ANKRD42: variants seen among roughly 807,000 people sequenced by gnomAD.
ANKRD42 encodes ankyrin repeat domain-containing protein 42.
A neutral mutation model predicts 51.5 loss-of-function variants in ANKRD42; 43 were observed. The observed-to-expected ratio is 0.83, with a 90% CI of 0.65 to 1.08. The LOEUF (loss-of-function observed/expected upper bound fraction) is 1.08. Among genes scored for constraint, ANKRD42 ranks in the 50% least tolerant of loss-of-function variants. The pLI is 0.00. For synonymous variants in ANKRD42, 203 were observed against 213.0 expected, an observed-to-expected ratio of 0.95 and a Z score of 0.41; for missense variants, 608 against 629.3, an observed-to-expected ratio of 0.97 and a Z score of 0.36.
chr11:83,228,553 C>T (rs1165833710), intron 7 of ANKRD42, among the ~76,000 whole-genome samples: 1 of 152,052 alleles, frequency 6.6e-6, no homozygotes. Context: ...TCTTACTAAA[C>T]TCTTAGATTA....
chr11:83,211,359 T>C lies in ANKRD42; in HGVS notation c.515T>C (p.Leu172Pro). The change falls in exon 5 of 11, where the codon CTT becomes CCT. Residue 172 changes from leucine (L) to proline (P), a missense_variant. Transcript: ENST00000533342. ...CATTATGCAGCTTTTCATGGGCGGC[T>C]TGGCTGCTTGCAACTTCTTGTTAAA... The part of the protein sequence containing the change: ...PVHYAAFHGR[L>P]GCLQLLVKWG... The C allele has an allele frequency of 6.2e-7, 1 of 1,614,218 alleles. No homozygotes were observed. Among genetic ancestry groups the C allele is most frequent in the South Asian group, 1.1e-5 (1 of 91,088 alleles).
rs1862935186 is a variant in ANKRD42, at chr11:83,227,792, G to A, written c.833G>A (p.Gly278Glu). The A allele has an allele frequency of 6.2e-7, 1 of 1,613,294 alleles. No individual in the cohort carries two copies. The highest frequency in any genetic ancestry group is 1.1e-5 in the South Asian group (1 of 90,918). ...GTGGCTGCCTTTAAGGGTGATTTGG[G>A]GATGCTTAAGAAATTAGTGGAAGAT... ...GHVAAFKGDL[G>E]MLKKLVEDGV... The change falls in exon 7 of 11, where the codon GGG (glycine) becomes GAG (glutamate). Residue 278 changes from glycine (G) to glutamate (E), a missense_variant. Transcript: ENST00000533342.
chr11:83,201,075 G>A (rs1861850828), intron 2 of ANKRD42, among the ~76,000 whole-genome samples: 1 of 151,978 alleles, frequency 6.6e-6, no homozygotes, highest in South Asian at 2.1e-4. Flanking sequence ...GTGGTTTGCT[G>A]CACCCAACAA....
At chr11:83,230,851 G>T (rs1314499438) in intron 7 of ANKRD42, among the ~76,000 whole-genome samples, 1 of 152,176 alleles carries the variant, frequency 6.6e-6, no homozygotes, top group African/African-American at 2.4e-5. Flanking sequence ...CTCCCAAAGT[G>T]CTGGTATTAC....
At chr11:83,262,903 C>G (rs1864011540), downstream of ANKRD42, among the ~76,000 whole-genome samples, 1 of 152,158 alleles carries the variant, frequency 6.6e-6, no homozygotes, top group Non-Finnish European at 1.5e-5. Context: ...CCATTTGATC[C>G]TGCTACTATT....
downstream of ANKRD42, chr11:83,260,362 T>A (rs1262855000): frequency 6.6e-6 from 1 of 152,194 alleles, no homozygotes; most frequent in Admixed American, 6.5e-5. Flanking sequence ...TTTGTTACAG[T>A]GGACTTTAAT....
At chr11:83,253,874 G>A (rs1490044662), downstream of ANKRD42, among the ~76,000 whole-genome samples, 1 of 152,168 alleles carries the variant, frequency 6.6e-6, no homozygotes, top group African/African-American at 2.4e-5. Context: ...TGGTTTGATA[G>A]AACAAGTTAC....
intron 5 of ANKRD42, among the ~76,000 whole-genome samples, chr11:83,216,641 A>G (rs948389966): frequency 7.2e-5 from 11 of 152,104 alleles, no homozygotes; most frequent in African/African-American, 2.2e-4. Context: ...CATTTCTTAT[A>G]AGATGGTTCT....
rs186436032 is a variant in ANKRD42, at chr11:83,193,899, C to T, written c.-772C>T. 2.2e-6 allele frequency: 1 copy of T among 454,304 alleles called. No individual in the cohort carries two copies. The highest frequency in any genetic ancestry group is 7.0e-5 in the East Asian group (1 of 14,328). The allele number at this position is 454,304 out of a possible 1,614,324, so 28.1% of individuals were successfully genotyped here. On this transcript the variant is annotated 5_prime_UTR_variant, in exon 1 of 11. Transcript: ENST00000533342. Reference sequence around the variant, plus strand: ...TGTGGAGGATAAACGGTCTACACGGCCATTCCGGCGCCGAGTCTAGGGAAA... The same window carrying T: ...TGTGGAGGATAAACGGTCTACACGGTCATTCCGGCGCCGAGTCTAGGGAAA...
intron 7 of ANKRD42, 50 bp from the exon 8 acceptor site, chr11:83,236,354 A>G: frequency 6.7e-7 from 1 of 1,496,336 alleles, no homozygotes; most frequent in Non-Finnish European, 9.0e-7. Context: ...TGTTACTAAT[A>G]ACTAACTTTT....
downstream of ANKRD42, among the ~76,000 whole-genome samples, chr11:83,249,228 A>G (rs925078735): frequency 6.6e-5 from 10 of 152,134 alleles, no homozygotes; most frequent in African/African-American, 2.4e-4. Flanking sequence ...TTTTTTGGAC[A>G]GGGTGTTGCT....
downstream of ANKRD42, among the ~76,000 whole-genome samples, chr11:83,263,465 C>CAT: frequency 6.6e-6 from 1 of 152,186 alleles, no homozygotes; most frequent in East Asian, 1.9e-4. Context: ...AGACATTCTA[C>CAT]ATATATGTAA....
Position 83,200,088 on chromosome 11 carries a change from C to G in ANKRD42, c.222+1446C>G, listed in dbSNP as rs1861810425. 2.6e-5 allele frequency among the ~76,000 whole-genome samples: 4 copies of G among 151,732 alleles called. No individual in the cohort carries two copies. In the South Asian group the frequency reaches 8.3e-4, roughly 31 times the overall value. ...TTGGAGTTTTCTGGGTTTTTTTGCT[C>G]TTTGCTTTTGGGTGATTTTGGAGAG... On this transcript the variant is annotated intron_variant, in intron 2 of 10. Transcript: ENST00000533342.
intron 5 of ANKRD42, among the ~76,000 whole-genome samples, chr11:83,221,613 G>A (rs80081127): frequency 6.6e-6 from 1 of 152,066 alleles, no homozygotes; most frequent in East Asian, 1.9e-4. Flanking sequence ...GCCCTAAATG[G>A]CACCTTATGC....
intron 9 of ANKRD42, among the ~76,000 whole-genome samples, chr11:83,241,453 C>A (rs913788425): frequency 6.6e-6 from 1 of 152,026 alleles, no homozygotes; most frequent in African/African-American, 2.4e-5. Flanking sequence ...AGTCATTAGG[C>A]CTCTCTGAGG....
intron 9 of ANKRD42, among the ~76,000 whole-genome samples, chr11:83,244,227 C>T (rs1476905007): frequency 1.3e-5 from 2 of 151,894 alleles, no homozygotes; most frequent in South Asian, 2.1e-4. Flanking sequence ...GTGATCCGCC[C>T]GCATTGGCCT....
Position 83,224,834 on chromosome 11 carries a change from AT to A in ANKRD42, c.587-13del, listed in dbSNP as rs113212874. ...ATTTTAAAAAATAAAAATTAAATTAATTTTTTTTCCTTTCCTCTAGTTCACT... is the reference window on the plus strand; with the variant it reads ...ATTTTAAAAAATAAAAATTAAATTAATTTTTTTCCTTTCCTCTAGTTCACT... On this transcript the variant is annotated intron_variant, in intron 5 of 10. Transcript: ENST00000533342. 36 of 1,531,800 alleles carry A rather than the reference AT, an allele frequency of 2.4e-5. No individual in the cohort carries two copies. The highest frequency in any genetic ancestry group is 2.7e-5 in the Non-Finnish European group (31 of 1,140,870). The allele number at this position is 1,531,800 out of a possible 1,614,324, so 94.9% of individuals were successfully genotyped here. A position where few individuals can be genotyped will look rare whatever the true frequency, so the allele number is the denominator to read the frequency against.
intron 9 of ANKRD42, among the ~76,000 whole-genome samples, chr11:83,243,480 C>T (rs1274382168): frequency 1.3e-5 from 2 of 152,104 alleles, no homozygotes; most frequent in African/African-American, 2.4e-5. Flanking sequence ...ACAGGCTTTA[C>T]GAAACACAGA....
chr11:83,235,097 G>A (rs961001127), intron 7 of ANKRD42, among the ~76,000 whole-genome samples: 1 of 152,184 alleles, frequency 6.6e-6, no homozygotes, highest in Non-Finnish European at 1.5e-5. Context: ...TGCCTGTACT[G>A]TGAGCCAGAA....
Sources: allele counts gnomAD v4.1 joint callset (sites outside exome capture counted in the v4.1 genomes callset), GRCh38; gene constraint gnomAD v4.1.1; transcripts MANE v1.5; gene names NCBI Gene and HGNC (gene_info 2026-07-23, HGNC 2026-07-21).